The following USH2A variants were observed in gnomAD, a reference collection of about 807,000 sequenced individuals.
USH2A encodes usherin.
A neutral mutation model predicts 538.9 loss-of-function variants in USH2A; 443 were observed. The observed-to-expected ratio is 0.82, with a 90% CI of 0.76 to 0.89. The LOEUF is 0.89. Ranked by LOEUF, USH2A falls within the 40% of genes least tolerant of loss-of-function variation. USH2A has a pLI of 0.00. For synonymous variants in USH2A, 2,413 were observed against 2,273.5 expected (o/e 1.06, Z -1.75); for missense variants, 6,633 against 6,324.8 (o/e 1.05, Z -1.65).
intron 20 of USH2A, among the ~76,000 whole-genome samples, chr1:216,179,087 C>T (rs569838551): frequency 2.0e-5 from 3 of 152,220 alleles, no homozygotes; most frequent in South Asian, 4.1e-4. Context: ...AAAGTTGATA[C>T]ATCTCTACTT....
rs184462871 is a variant in USH2A, at chr1:216,087,776, C to T, written c.4886-956G>A. ...TACTTCTTATTATATCTTCAATTAT[C>T]ACCCTGGTTCAGGTCTCCATGATTT... is the stretch of plus-strand genomic sequence containing the variant. On this transcript the variant is annotated intron_variant, in intron 23 of 71. Coordinates refer to ENST00000307340, the MANE Select transcript of USH2A (RefSeq NM_206933.4). Among the ~76,000 whole-genome samples, 583 of 152,250 alleles carry T rather than the reference C, an allele frequency of 3.8e-3. 3 individuals are homozygous for T. Among genetic ancestry groups the T allele is most frequent in the African/African-American group, 0.013 (560 of 41,522 alleles).
intron 10 of USH2A, among the ~76,000 whole-genome samples, chr1:216,290,785 T>C (rs1003504936): frequency 6.6e-6 from 1 of 152,082 alleles, no homozygotes; most frequent in Non-Finnish European, 1.5e-5. Flanking sequence ...CTCATCTCAA[T>C]CCTCCTGTAT....
intron 10 of USH2A, among the ~76,000 whole-genome samples, chr1:216,290,808 T>C (rs1359106776): frequency 6.6e-6 from 1 of 152,170 alleles, no homozygotes; most frequent in Non-Finnish European, 1.5e-5. Flanking sequence ...TCTATCTCAA[T>C]GGCTGGCACC....
At position 215,640,526 on chromosome 1, in the gene USH2A, T is replaced by G. The variant is rs748358492; in HGVS notation, c.14968+32A>C. ...CGTAAAGCTGGGGAACAGAGCGCCT[T>G]CCACACTGAGAAACAGGAGTCAGAA... On this transcript the variant is annotated intron_variant, in intron 68 of 71. Coordinates refer to ENST00000307340, the MANE Select transcript of USH2A (RefSeq NM_206933.4). The G allele has an allele frequency of 9.3e-6, 15 of 1,612,728 alleles. No homozygotes were observed. In the East Asian group the frequency reaches 3.3e-4, roughly 36 times the overall value.
intron 16 of USH2A, among the ~76,000 whole-genome samples, chr1:216,205,565 G>A (rs1334200668): frequency 6.6e-6 from 1 of 152,168 alleles, no homozygotes; most frequent in Non-Finnish European, 1.5e-5. Context: ...TCTATGCGAT[G>A]CAGGAGTTTT....
At chr1:215,806,488 T>C (rs577323615) in intron 49 of USH2A, among the ~76,000 whole-genome samples, 4 of 152,222 alleles carry the variant, frequency 2.6e-5, no homozygotes, top group African/African-American at 9.6e-5. Flanking sequence ...GGGCAAAAAC[T>C]GCTCAGATGT....
intron 15 of USH2A, among the ~76,000 whole-genome samples, chr1:216,216,343 G>A (rs551541806): frequency 3.4e-4 from 52 of 152,144 alleles, no homozygotes; most frequent in African/African-American, 1.1e-3. Flanking sequence ...ATATGAATAC[G>A]TCTTCTTAAT....
At chr1:216,413,616 CTTTA>C (rs1310769247) in intron 3 of USH2A, among the ~76,000 whole-genome samples, 1 of 151,968 alleles carries the variant, frequency 6.6e-6, no homozygotes, top group African/African-American at 2.4e-5. Flanking sequence ...ATTCCTAAAA[CTTTA>C]TTTACCCATG....
At chr1:215,846,513 C>A (rs374982259) in intron 44 of USH2A, among the ~76,000 whole-genome samples, 7 of 152,252 alleles carry the variant, frequency 4.6e-5, no homozygotes, top group East Asian at 3.9e-4. Context: ...TGCACCTGGT[C>A]AGTTTTTATT....
At chr1:216,419,099 T>C (rs2039631518) in intron 2 of USH2A, among the ~76,000 whole-genome samples, 1 of 152,062 alleles carries the variant, frequency 6.6e-6, no homozygotes, top group South Asian at 2.1e-4. Flanking sequence ...AAAGCAAATT[T>C]AGTGTCCATG....
intron 49 of USH2A, among the ~76,000 whole-genome samples, chr1:215,811,630 A>T (rs115076774): frequency 0.023 from 3,486 of 152,176 alleles, 62 homozygotes; most frequent in Non-Finnish European, 0.037. Context: ...AGGCTGGGCC[A>T]GGTGTGGTGT....
intron 21 of USH2A, among the ~76,000 whole-genome samples, chr1:216,138,984 C>T (rs1281496410): frequency 7.3e-5 from 11 of 151,606 alleles, no homozygotes. Flanking sequence ...TCTTACTCAA[C>T]CAAATCTAGT....
At chr1:216,164,042 C>T (rs1572012889) in intron 21 of USH2A, among the ~76,000 whole-genome samples, 2 of 152,000 alleles carry the variant, frequency 1.3e-5, no homozygotes, top group South Asian at 4.1e-4. Context: ...CTTGTAATTA[C>T]TTAATTACAT....
intron 49 of USH2A, among the ~76,000 whole-genome samples, chr1:215,806,816 C>T (rs961041624): frequency 1.3e-5 from 2 of 152,092 alleles, no homozygotes; most frequent in African/African-American, 4.8e-5. Context: ...CTGCCACTCC[C>T]TGAGGCAGCT....
chr1:216,158,768 A>G (rs2033999059), intron 21 of USH2A, among the ~76,000 whole-genome samples: 1 of 152,150 alleles, frequency 6.6e-6, no homozygotes, highest in Non-Finnish European at 1.5e-5. Flanking sequence ...GGATTTTGAG[A>G]GGGACTATAT....
At chr1:215,906,245 AAC>A (rs1170656514) in intron 38 of USH2A, among the ~76,000 whole-genome samples, 1 of 152,234 alleles carries the variant, frequency 6.6e-6, no homozygotes, top group African/African-American at 2.4e-5. Flanking sequence ...ATGTTCACAA[AAC>A]AGTCTTTCAC....
At chr1:216,379,758 T>C (rs1439870496) in intron 3 of USH2A, among the ~76,000 whole-genome samples, 2 of 152,168 alleles carry the variant, frequency 1.3e-5, no homozygotes, top group Non-Finnish European at 2.9e-5. Context: ...TCTATTTCTC[T>C]AAGGAAAAGA....
intron 3 of USH2A, among the ~76,000 whole-genome samples, chr1:216,404,170 C>T (rs1392425600): frequency 6.6e-6 from 1 of 152,092 alleles, no homozygotes; most frequent in African/African-American, 2.4e-5. Context: ...GTGATACTTA[C>T]ACCATGTTTA....
chr1:215,990,543 T>C (rs1329808105), intron 35 of USH2A, among the ~76,000 whole-genome samples: 1 of 152,138 alleles, frequency 6.6e-6, no homozygotes, highest in African/African-American at 2.4e-5. Context: ...GTGTTTGACA[T>C]ATACGCAAAT....
Sources: gnomAD v4.1 joint callset for allele counts (sites outside exome capture counted in the v4.1 genomes callset) on GRCh38, gnomAD v4.1.1 for gene constraint, MANE v1.5 for transcripts, NCBI Gene and HGNC (gene_info 2026-07-23, HGNC 2026-07-21) for gene names.